Variants in PTPRN2 observed in about 807,000 individuals in gnomAD.
The protein encoded by PTPRN2 is receptor-type tyrosine-protein phosphatase N2.
PTPRN2 carries 74 observed loss-of-function variants against 118.8 expected under a neutral mutation model. That is an observed-to-expected ratio of 0.62 (90% confidence interval 0.52 to 0.76). The LOEUF is 0.76. Ranked by LOEUF, PTPRN2 falls within the 30% of genes least tolerant of loss-of-function variation. PTPRN2 has a pLI of 0.00. For missense variants in PTPRN2, 1,481 were observed against 1,394.4 expected (o/e 1.06, Z -0.99); for synonymous variants, 641 against 608.0 (o/e 1.05, Z -0.80).
At chr7:158,401,434 C>A (rs1408081047) in intron 2 of PTPRN2, among the ~76,000 whole-genome samples, 2 of 151,836 alleles carry the variant, frequency 1.3e-5, no homozygotes, top group African/African-American at 2.4e-5. Flanking sequence ...CCTGGCCCAG[C>A]ACAGAAGCGA....
At chr7:158,079,622 T>A (rs1812640797) in intron 11 of PTPRN2, among the ~76,000 whole-genome samples, 1 of 152,190 alleles carries the variant, frequency 6.6e-6, no homozygotes, top group Non-Finnish European at 1.5e-5. Flanking sequence ...AATCATGGGA[T>A]AATTATCAAT....
chr7:158,425,349 G>T (rs867121781), intron 2 of PTPRN2, among the ~76,000 whole-genome samples: 16 of 118,624 alleles, frequency 1.3e-4, no homozygotes, highest in African/African-American at 5.5e-4. Flanking sequence ...CCTGCGCACC[G>T]CCGGGAAAGA....
In PTPRN2 at chr7:157,785,543, G is replaced by A. The variant is rs1045193095; in HGVS notation, c.1789-102606C>T. Among the ~76,000 whole-genome samples, 1 of 152,056 alleles carries A rather than the reference G, an allele frequency of 6.6e-6. No homozygotes were observed. Among genetic ancestry groups the A allele is most frequent in the South Asian group, 2.1e-4 (1 of 4,822 alleles). On this transcript the variant is annotated intron_variant, in intron 12 of 22. Coordinates refer to ENST00000389418, the MANE Select transcript of PTPRN2 (RefSeq NM_002847.5). The surrounding 1 kb of genome is among the most constrained non-coding windows in gnomAD (Gnocchi z 7.3). ...CCTGCGACCTGCCTGGGTGCCATCC[G>A]CAAACCTGGTCTCTGCTGAAATCTG...
intron 12 of PTPRN2, among the ~76,000 whole-genome samples, chr7:157,748,687 T>C (rs1190006405): frequency 1.4e-3 from 142 of 98,808 alleles, no homozygotes; most frequent in African/African-American, 2.3e-3. Context: ...GGCCTGCGTC[T>C]ATGAGCTGTG....
intron 2 of PTPRN2, among the ~76,000 whole-genome samples, chr7:158,334,434 C>T (rs62480923): frequency 5.0e-5 from 1 of 19,952 alleles, no homozygotes. Flanking sequence ...TCACTCACAC[C>T]CACACTCTCA....
At chr7:157,982,354 C>CT (rs1399453526) in intron 11 of PTPRN2, among the ~76,000 whole-genome samples, 11 of 108,024 alleles carry the variant, frequency 1.0e-4, no homozygotes, top group Admixed American at 2.0e-4. Flanking sequence ...AGGGTCCCCC[C>CT]AAACCCTGAG....
chr7:158,337,211 C>T (rs1465998435), intron 2 of PTPRN2, among the ~76,000 whole-genome samples: 1 of 152,186 alleles, frequency 6.6e-6, no homozygotes, highest in Non-Finnish European at 1.5e-5. Flanking sequence ...AGAGGTGACA[C>T]TTGCAGACGT....
intron 1 of PTPRN2, among the ~76,000 whole-genome samples, chr7:158,586,383 G>C (rs945136756): frequency 6.6e-6 from 1 of 152,216 alleles, no homozygotes; most frequent in Non-Finnish European, 1.5e-5. Context: ...CCTAGAGGCC[G>C]AGAGGAAGGT....
chr7:157,703,721 G>A (rs547252635), intron 12 of PTPRN2, among the ~76,000 whole-genome samples: 8 of 152,174 alleles, frequency 5.3e-5, no homozygotes, highest in African/African-American at 1.9e-4. Flanking sequence ...CCCCACCTCA[G>A]CACGCTCCCC....
At chr7:158,350,049 CA>C (rs1371321539) in intron 2 of PTPRN2, among the ~76,000 whole-genome samples, 1 of 152,196 alleles carries the variant, frequency 6.6e-6, no homozygotes, top group Non-Finnish European at 1.5e-5. Context: ...TGGATTGCAG[CA>C]TCCTGTGTCT....
chr7:158,028,944 C>T (rs1807478669), intron 11 of PTPRN2: 1 of 152,418 alleles, frequency 6.6e-6, no homozygotes, highest in African/African-American at 2.4e-5. Context: ...CAGGCCAGAA[C>T]CACCACATCA....
In PTPRN2 at chr7:157,895,091, C is replaced by T. The variant is rs372843678; in HGVS notation, c.1788+3582G>A. Among the ~76,000 whole-genome samples, 14 of 152,172 alleles carry T rather than the reference C, an allele frequency of 9.2e-5. No individual in the cohort carries two copies. In the East Asian group the frequency reaches 1.4e-3, roughly 15 times the overall value. ...GGTCAGCAGATGTGATGAGCAGGAG[C>T]TGTAGAAAGCGAAGACTAGGAAACG... is the stretch of plus-strand genomic sequence containing the variant. On this transcript the variant is annotated intron_variant, in intron 12 of 22. Coordinates refer to ENST00000389418, the MANE Select transcript of PTPRN2 (RefSeq NM_002847.5).
intron 2 of PTPRN2, among the ~76,000 whole-genome samples, chr7:158,334,707 C>A (rs1331252768): frequency 7.0e-5 from 2 of 28,702 alleles, no homozygotes; most frequent in Non-Finnish European, 1.6e-4. Flanking sequence ...TAAGAGGTGA[C>A]ACCTGCAGAC....
At chr7:157,708,960 A>G (rs2150882836) in intron 12 of PTPRN2, among the ~76,000 whole-genome samples, 1 of 152,314 alleles carries the variant, frequency 6.6e-6, no homozygotes, top group South Asian at 2.1e-4. Context: ...CCGACTTTGA[A>G]AAGAGATAAC....
chr7:157,648,780 A>G (rs1376055420), intron 14 of PTPRN2, among the ~76,000 whole-genome samples: 2 of 141,066 alleles, frequency 1.4e-5, no homozygotes, highest in Non-Finnish European at 1.5e-5. Flanking sequence ...GGACCCATTC[A>G]CTGTGCACTG....
chr7:158,447,547 C>T (rs959183977), intron 2 of PTPRN2, among the ~76,000 whole-genome samples: 14 of 152,186 alleles, frequency 9.2e-5, no homozygotes, highest in South Asian at 4.1e-4. Context: ...GCTGCCCACG[C>T]GGCCCGATAA....
At chr7:157,714,926 TCTC>T (rs1367062226) in intron 12 of PTPRN2, among the ~76,000 whole-genome samples, 1 of 151,754 alleles carries the variant, frequency 6.6e-6, no homozygotes, top group Non-Finnish European at 1.5e-5. Flanking sequence ...CCCGATCACT[TCTC>T]CTGAATGTAT....
chr7:158,312,853 CATGT>C (rs1801968429), intron 3 of PTPRN2, among the ~76,000 whole-genome samples: 1 of 150,584 alleles, frequency 6.6e-6, no homozygotes, highest in Non-Finnish European at 1.5e-5. Flanking sequence ...GGTGTGTGTG[CATGT>C]GTGTGGATGT....
intron 3 of PTPRN2, among the ~76,000 whole-genome samples, chr7:158,314,192 G>A (rs1044903392): frequency 3.9e-5 from 6 of 152,172 alleles, no homozygotes; most frequent in African/African-American, 9.7e-5. Flanking sequence ...TACGCTCAGG[G>A]GAAGTTCTGA....
Sources: gnomAD v4.1 joint callset for allele counts (sites outside exome capture counted in the v4.1 genomes callset) on GRCh38, gnomAD v4.1.1 for gene constraint, Gnocchi (gnomAD v3.1) non-coding constraint, MANE v1.5 for transcripts, NCBI Gene and HGNC (gene_info 2026-07-23, HGNC 2026-07-21) for gene names.